Variants in EXOC4 observed in about 807,000 individuals in gnomAD.
EXOC4 encodes the protein SEC8-like 1.
In EXOC4, 71 loss-of-function variants were observed where a neutral mutation model predicts 107.2. The observed-to-expected ratio is 0.66, with a 90% CI of 0.55 to 0.81. The LOEUF is 0.81. EXOC4 is among the 30% of genes least tolerant of loss of function. The pLI is 0.00. For missense variants in EXOC4, 1,108 were observed against 1,189.6 expected (o/e 0.93, Z 1.01); for synonymous variants, 456 against 441.2 (o/e 1.03, Z -0.42).
At chr7:133,714,788 G>A (rs62471415) in intron 10 of EXOC4, among the ~76,000 whole-genome samples, 23,306 of 152,070 alleles carry the variant, frequency 0.15, 2,197 homozygotes, top group African/African-American at 0.26. Context: ...CAGTGGGCTG[G>A]GTTGGTCCTG....
At chr7:133,633,447 G>T (rs4731969) in intron 10 of EXOC4, among the ~76,000 whole-genome samples, 2 of 152,272 alleles carry the variant, frequency 1.3e-5, no homozygotes, top group Middle Eastern at 3.4e-3. Context: ...GGCTGGGCAC[G>T]GTGGCTCACA....
intron 7 of EXOC4, among the ~76,000 whole-genome samples, chr7:133,381,916 TA>T (rs916413885): frequency 3.3e-5 from 5 of 152,144 alleles, no homozygotes; most frequent in Admixed American, 3.3e-4. Flanking sequence ...GGGAACATAT[TA>T]AAAAATGCAG....
intron 10 of EXOC4, among the ~76,000 whole-genome samples, chr7:133,767,040 G>A (rs867557317): frequency 5.9e-5 from 9 of 151,812 alleles, no homozygotes; most frequent in Middle Eastern, 3.2e-3. Flanking sequence ...GGGGAACTCT[G>A]ATTTCCATAG....
intron 3 of EXOC4, among the ~76,000 whole-genome samples, chr7:133,294,265 T>C (rs1794470002): frequency 6.6e-6 from 1 of 152,194 alleles, no homozygotes; most frequent in African/African-American, 2.4e-5. Flanking sequence ...AATATTTTCA[T>C]AAACTTTTTT....
chr7:133,864,894 A>G (rs541708202), intron 11 of EXOC4, among the ~76,000 whole-genome samples: 2 of 152,284 alleles, frequency 1.3e-5, no homozygotes, highest in Non-Finnish European at 2.9e-5. Flanking sequence ...AACACTTGAT[A>G]AATTTCATGG....
At chr7:133,897,220 C>T (rs1799339404) in intron 12 of EXOC4, among the ~76,000 whole-genome samples, 1 of 150,714 alleles carries the variant, frequency 6.6e-6, no homozygotes, top group Non-Finnish European at 1.5e-5. Flanking sequence ...CTTCCTCATT[C>T]CAGCAAGAAG....
At chr7:134,020,167 C>T (rs138259281) in intron 17 of EXOC4, among the ~76,000 whole-genome samples, 3 of 152,326 alleles carry the variant, frequency 2.0e-5, no homozygotes, top group East Asian at 3.9e-4. Flanking sequence ...CCAAGTGCTT[C>T]CCAAAGACTA....
At chr7:133,982,348 C>T (rs1404651331) in intron 14 of EXOC4, among the ~76,000 whole-genome samples, 4 of 152,228 alleles carry the variant, frequency 2.6e-5, no homozygotes, top group South Asian at 4.1e-4. Flanking sequence ...GTCAGGAGAT[C>T]GAGACCATCC....
intron 9 of EXOC4, among the ~76,000 whole-genome samples, chr7:133,597,571 A>G (rs1047711893): frequency 6.9e-6 from 1 of 145,750 alleles, no homozygotes; most frequent in African/African-American, 2.6e-5. Flanking sequence ...AAAAAAAAAA[A>G]AAAACCCAAA....
At chr7:133,486,564 C>T (rs1799273625) in intron 9 of EXOC4, among the ~76,000 whole-genome samples, 1 of 151,916 alleles carries the variant, frequency 6.6e-6, no homozygotes, top group African/African-American at 2.4e-5. Flanking sequence ...TCTTTGTTGC[C>T]TTCTAGAATT....
Position 133,356,384 on chromosome 7 carries a change from A to C in EXOC4, c.818A>C (p.Glu273Ala). ...GAAGATTTAGAATTGGATCCAGAGG[A>C]AAACAGCACCCTGTTTATGGGTATC... is the stretch of plus-strand genomic sequence containing the variant. The part of the protein sequence containing the change: ...IKEDLELDPE[E>A]NSTLFMGILI... The change falls in exon 6 of 18, where the codon GAA becomes GCA. Residue 273 changes from glutamate to alanine, a missense_variant. Glu to Ala is a moderately radical substitution (Grantham distance 107). Transcript: ENST00000253861. 6.2e-7 allele frequency: 1 copy of C among 1,614,028 alleles called. No individual in the cohort carries two copies. Among genetic ancestry groups the C allele is most frequent in the African/African-American group, 1.3e-5 (1 of 75,028 alleles).
chr7:133,384,337 A>G (rs1255117121), intron 7 of EXOC4, among the ~76,000 whole-genome samples: 1 of 152,178 alleles, frequency 6.6e-6, no homozygotes, highest in Non-Finnish European at 1.5e-5. Flanking sequence ...GGCCTAGAGA[A>G]CACAGGTGTA....
downstream of EXOC4, among the ~76,000 whole-genome samples, chr7:134,067,620 A>G (rs1796200893): frequency 8.7e-6 from 1 of 114,818 alleles, no homozygotes; most frequent in Admixed American, 8.9e-5. Context: ...GCTAGGACCC[A>G]ACTCTTATAT....
rs550404077 is a variant in EXOC4, at chr7:133,686,894, A to C, written c.1514+56753A>C. Among the ~76,000 whole-genome samples, 22 of 152,254 alleles carry C rather than the reference A, an allele frequency of 1.4e-4. No homozygotes were observed. The South Asian group carries it at 4.4e-3, about 30-fold the overall frequency. On this transcript the variant is annotated intron_variant, in intron 10 of 17. Transcript: ENST00000253861. The stretch of plus-strand genomic sequence containing the variant: ...AGGAAAAAAAGTCATTATACGAAAA[A>C]GATACTTGCACATGCATGTTTGTAG...
In EXOC4 at chr7:133,690,959, T is replaced by C. The variant is rs550869312; in HGVS notation, c.1514+60818T>C. Among the ~76,000 whole-genome samples the C allele has an allele frequency of 2.0e-5, 3 of 152,262 alleles. No homozygotes were observed. The South Asian group carries it at 6.2e-4, about 32-fold the overall frequency. On this transcript the variant is annotated intron_variant, in intron 10 of 17. Coordinates refer to ENST00000253861, the MANE Select transcript of EXOC4 (RefSeq NM_021807.4). ...ACTTGTGATAAGAGTTGCTCTCCTT[T>C]CTGTGGTCCGGAAGTACGGAGCACC...
At chr7:133,419,012 T>G (rs181579911) in intron 7 of EXOC4, among the ~76,000 whole-genome samples, 1 of 152,294 alleles carries the variant, frequency 6.6e-6, no homozygotes, top group Admixed American at 6.5e-5. Context: ...CATAAAGTGG[T>G]TCAATATGAT....
At chr7:133,397,447 TACCTGTC>T (rs1796996904) in intron 7 of EXOC4, among the ~76,000 whole-genome samples, 1 of 152,104 alleles carries the variant, frequency 6.6e-6, no homozygotes, top group African/African-American at 2.4e-5. Flanking sequence ...TTGGTTTTCT[TACCTGTC>T]ACCTAAAGTT....
intron 7 of EXOC4, among the ~76,000 whole-genome samples, chr7:133,459,943 G>T (rs1258789850): frequency 6.6e-6 from 1 of 152,066 alleles, no homozygotes; most frequent in Non-Finnish European, 1.5e-5. Context: ...TCAAAATAAA[G>T]AATTATTTGG....
At chr7:134,023,007 G>A (rs1335658523) in intron 17 of EXOC4, among the ~76,000 whole-genome samples, 2 of 152,020 alleles carry the variant, frequency 1.3e-5, no homozygotes, top group Non-Finnish European at 2.9e-5. Context: ...TTCCCCATTC[G>A]ATGTTAACCT....
Sources: allele counts gnomAD v4.1 joint callset (sites outside exome capture counted in the v4.1 genomes callset), GRCh38; gene constraint gnomAD v4.1.1; transcripts MANE v1.5; gene names NCBI Gene and HGNC (gene_info 2026-07-23, HGNC 2026-07-21).